Variants in EXOC4 observed in about 807,000 individuals in gnomAD.
EXOC4 encodes SEC8-like 1.
In EXOC4, 71 loss-of-function variants were observed where a neutral mutation model predicts 107.2. The observed-to-expected ratio is 0.66, with a 90% CI of 0.55 to 0.81. EXOC4 has a LOEUF of 0.81. EXOC4 is among the 30% of genes least tolerant of loss of function. The pLI is 0.00. For synonymous variants in EXOC4, 456 were observed against 441.2 expected (o/e 1.03, Z -0.42); for missense variants, 1,108 against 1,189.6 (o/e 0.93, Z 1.01).
At chr7:133,358,931 G>C (rs956101007) in intron 6 of EXOC4, among the ~76,000 whole-genome samples, 2 of 152,094 alleles carry the variant, frequency 1.3e-5, no homozygotes, top group Non-Finnish European at 2.9e-5. Flanking sequence ...TTTTTTCCCT[G>C]TTAAGTGTCT....
rs529697875 is a variant in EXOC4 at position 133,458,900 on chromosome 7, T to G, written c.1183-16428T>G. Among the ~76,000 whole-genome samples, 189 of 141,072 alleles carry G rather than the reference T, an allele frequency of 1.3e-3. 1 individual carries two copies. The highest frequency in any genetic ancestry group is 4.3e-3 in the African/African-American group (164 of 38,412). 92.5% of individuals were successfully genotyped at this position (141,072 alleles called of 152,430 possible). A position where few individuals can be genotyped will look rare whatever the true frequency, so the allele number is the denominator to read the frequency against. ...CCGCCCTGTGAAGGGCAATATATTC[T>G]CAACTTCTGAAATTTCAGAAACCTG... On this transcript the variant is annotated intron_variant, in intron 7 of 17. Transcript: ENST00000253861.
At chr7:133,613,369 A>G (rs1802117264) in intron 9 of EXOC4, among the ~76,000 whole-genome samples, 1 of 152,146 alleles carries the variant, frequency 6.6e-6, no homozygotes, top group Admixed American at 6.6e-5. Context: ...CGTGAGCTCA[A>G]GCGTTGCGAG....
chr7:133,456,513 A>C (rs1296697214), intron 7 of EXOC4, among the ~76,000 whole-genome samples: 3 of 152,198 alleles, frequency 2.0e-5, no homozygotes, highest in African/African-American at 7.2e-5. Flanking sequence ...TATTTTGGTA[A>C]ATAACAGTAA....
chr7:133,471,730 A>T (rs913285320), intron 7 of EXOC4, among the ~76,000 whole-genome samples: 2 of 152,136 alleles, frequency 1.3e-5, no homozygotes, highest in African/African-American at 4.8e-5. Context: ...AAAGTTCAGC[A>T]ATTTGTTGTA....
At chr7:133,854,449 C>CACAT (rs1554409642) in intron 11 of EXOC4, among the ~76,000 whole-genome samples, 5 of 146,392 alleles carry the variant, frequency 3.4e-5, no homozygotes, top group Non-Finnish European at 7.6e-5. Flanking sequence ...CACACACACA[C>CACAT]ATACATTTTA....
chr7:133,549,777 A>C (rs1288203957), intron 9 of EXOC4, among the ~76,000 whole-genome samples: 1 of 152,196 alleles, frequency 6.6e-6, no homozygotes, highest in Non-Finnish European at 1.5e-5. Context: ...CAGCACAAGA[A>C]ATCTTGGCAG....
Position 133,894,897 on chromosome 7 carries a change from GC to G in EXOC4, c.1735-697del, listed in dbSNP as rs1372096720. 9.2e-5 allele frequency among the ~76,000 whole-genome samples: 7 copies of G among 75,700 alleles called. 2 individuals are homozygous for G. The highest frequency in any genetic ancestry group is 5.8e-4 in the South Asian group (1 of 1,712). The allele number at this position is 75,700 out of a possible 152,430, so 49.7% of individuals were successfully genotyped here. On this transcript the variant is annotated intron_variant, in intron 11 of 17. Transcript: ENST00000253861. ...CTGTCTTTTTGTTTGTCTGTGCCCT[GC>G]CCCCAGAGGTGGAGCCTACAGAGGC...
intron 5 of EXOC4, among the ~76,000 whole-genome samples, chr7:133,335,778 T>C (rs1226865811): frequency 2.0e-5 from 3 of 152,240 alleles, no homozygotes; most frequent in Admixed American, 6.5e-5. Flanking sequence ...ACAGCAGGTA[T>C]ACCATTTTAT....
chr7:133,592,344 C>A (rs1801569405), intron 9 of EXOC4, among the ~76,000 whole-genome samples: 1 of 152,140 alleles, frequency 6.6e-6, no homozygotes, highest in African/African-American at 2.4e-5. Context: ...GAAAACATTT[C>A]CATTTGGCTA....
At chr7:133,791,364 G>T (rs965444551) in intron 10 of EXOC4, among the ~76,000 whole-genome samples, 15 of 152,144 alleles carry the variant, frequency 9.9e-5, no homozygotes, top group Non-Finnish European at 2.1e-4. Context: ...AGCATGTATT[G>T]TATGCTCCAT....
intron 17 of EXOC4, among the ~76,000 whole-genome samples, chr7:134,061,922 G>T (rs768536521): frequency 5.7e-4 from 86 of 152,150 alleles, no homozygotes; most frequent in Non-Finnish European, 1.0e-3. Context: ...CAAAGTTCAC[G>T]TGAGTTTTAT....
intron 7 of EXOC4, among the ~76,000 whole-genome samples, chr7:133,451,329 TTTG>T: frequency 6.6e-6 from 1 of 152,208 alleles, no homozygotes; most frequent in Admixed American, 6.5e-5. Flanking sequence ...AAGTCTGACA[TTTG>T]TTCCTCATTT....
chr7:133,671,235 T>C (rs1793937630), intron 10 of EXOC4, among the ~76,000 whole-genome samples: 1 of 150,604 alleles, frequency 6.6e-6, no homozygotes, highest in Non-Finnish European at 1.5e-5. Context: ...GAGTTTTGAC[T>C]AGAGGGCTGT....
At chr7:133,653,157 A>G (rs2151036818) in intron 10 of EXOC4, among the ~76,000 whole-genome samples, 1 of 152,338 alleles carries the variant, frequency 6.6e-6, no homozygotes, top group Non-Finnish European at 1.5e-5. Flanking sequence ...TACATATTAC[A>G]TGGTGGGCCT....
chr7:133,370,035 C>CA (rs1796337063), intron 6 of EXOC4, among the ~76,000 whole-genome samples: 2 of 152,118 alleles, frequency 1.3e-5, no homozygotes, highest in South Asian at 4.2e-4. Flanking sequence ...TCAGGTGATC[C>CA]GCCACCTCGG....
At chr7:133,995,483 T>C (rs1267703908) in intron 14 of EXOC4, among the ~76,000 whole-genome samples, 1 of 152,212 alleles carries the variant, frequency 6.6e-6, no homozygotes, top group Non-Finnish European at 1.5e-5. Flanking sequence ...ATAGTTGCTT[T>C]CCCTCTAGCC....
chr7:134,092,143 G>C, the EXOC4 span, among the ~76,000 whole-genome samples: 1 of 152,088 alleles, frequency 6.6e-6, no homozygotes, highest in East Asian at 1.9e-4. Context: ...GAATTACTAG[G>C]TGTGGGGTTT....
chr7:133,926,963 A>T (rs1038717464), intron 13 of EXOC4, among the ~76,000 whole-genome samples: 5 of 152,126 alleles, frequency 3.3e-5, no homozygotes, highest in African/African-American at 9.7e-5. Flanking sequence ...GGCACGAGTC[A>T]TATATTAAAT....
At chr7:133,646,614 AAT>A (rs1354698260) in intron 10 of EXOC4, among the ~76,000 whole-genome samples, 2 of 152,154 alleles carry the variant, frequency 1.3e-5, no homozygotes, top group African/African-American at 4.8e-5. Flanking sequence ...AGTTTGATGA[AAT>A]ATATGTATGT....
Sources: gnomAD v4.1 joint callset for allele counts (sites outside exome capture counted in the v4.1 genomes callset) on GRCh38, gnomAD v4.1.1 for gene constraint, MANE v1.5 for transcripts, NCBI Gene and HGNC (gene_info 2026-07-23, HGNC 2026-07-21) for gene names.